Variants in LDB2 observed in about 807,000 individuals in gnomAD.
LDB2 encodes LIM domain-binding protein 2.
Under a neutral mutation model 44.3 loss-of-function variants are expected in LDB2, and 12 were observed. The ratio of observed to expected loss-of-function variants is 0.27; its 90% CI spans 0.17 to 0.44. The LOEUF is 0.44. LDB2 is among the 20% of genes least tolerant of loss of function. The pLI is 1.00. For missense variants in LDB2, 344 were observed against 473.5 expected (o/e 0.73, Z 2.54); for synonymous variants, 164 against 174.8 (o/e 0.94, Z 0.49).
intron 7 of LDB2, chr4:16,505,849 GGACTGGAAGT>G: frequency 6.5e-7 from 1 of 1,548,688 alleles, no homozygotes; most frequent in Non-Finnish European, 8.7e-7. Context: ...CCTCTGAGGA[GGACTGGAAGT>G]GACTCCTTTC....
Position 16,697,556 on chromosome 4 carries a change from C to T in LDB2, c.235+61602G>A, listed in dbSNP as rs533014516. ...CACCTCTCTGTGTCTCCTTGGCCTTCTCTACTCCACCTTTCCTGGACCCCA... is the reference window on the plus strand; with the variant it reads ...CACCTCTCTGTGTCTCCTTGGCCTTTTCTACTCCACCTTTCCTGGACCCCA... On this transcript the variant is annotated intron_variant, in intron 2 of 7. Coordinates refer to ENST00000304523, the MANE Select transcript of LDB2 (RefSeq NM_001290.5). Among the ~76,000 whole-genome samples, 8 of 152,286 alleles carry T rather than the reference C, an allele frequency of 5.3e-5. No individual in the cohort carries two copies. In the East Asian group the frequency reaches 9.7e-4, roughly 18 times the overall value.
chr4:16,744,141 C>T (rs893475120), intron 2 of LDB2, among the ~76,000 whole-genome samples: 6 of 148,168 alleles, frequency 4.0e-5, no homozygotes, highest in Admixed American at 3.3e-4. Context: ...TAAATAGACT[C>T]ATGTGGTTTG....
intron 1 of LDB2, among the ~76,000 whole-genome samples, chr4:16,805,347 A>G (rs1478551062): frequency 6.6e-6 from 1 of 152,232 alleles, no homozygotes; most frequent in Non-Finnish European, 1.5e-5. Context: ...TATATCAGCA[A>G]GTGTTTATCT....
At chr4:16,550,436 G>A (rs1163528653) in intron 5 of LDB2, among the ~76,000 whole-genome samples, 1 of 152,194 alleles carries the variant, frequency 6.6e-6, no homozygotes, top group Non-Finnish European at 1.5e-5. Context: ...TTAGATAAAT[G>A]AAAGAATGAG....
At chr4:16,779,300 C>G (rs1016589579) in intron 1 of LDB2, among the ~76,000 whole-genome samples, 1 of 152,232 alleles carries the variant, frequency 6.6e-6, no homozygotes, top group African/African-American at 2.4e-5. Flanking sequence ...AAATTGCCCT[C>G]ATTTAAGAAT....
At chr4:16,863,042 C>G (rs1713263653) in intron 1 of LDB2, among the ~76,000 whole-genome samples, 2 of 152,152 alleles carry the variant, frequency 1.3e-5, no homozygotes, top group Non-Finnish European at 2.9e-5. Flanking sequence ...AGGGCACGGG[C>G]TCCAGCCAGC....
intron 6 of LDB2, among the ~76,000 whole-genome samples, chr4:16,509,516 C>T (rs897981377): frequency 1.3e-5 from 2 of 152,020 alleles, no homozygotes; most frequent in African/African-American, 4.8e-5. Flanking sequence ...GAGAAATATT[C>T]TTTATTTATT....
intron 7 of LDB2, chr4:16,505,918 G>C: frequency 6.4e-7 from 1 of 1,551,654 alleles, no homozygotes; most frequent in Non-Finnish European, 8.7e-7. Context: ...GGTCACTGCT[G>C]TTGAATGACA....
chr4:16,773,998 C>CAAAAAA (rs60133554), intron 1 of LDB2, among the ~76,000 whole-genome samples: 11 of 128,360 alleles, frequency 8.6e-5, no homozygotes, highest in African/African-American at 3.3e-4. Flanking sequence ...ACTAAAAATA[C>CAAAAAA]AAAAAAAATA....
At chr4:16,720,208 G>C (rs1244913717) in intron 2 of LDB2, among the ~76,000 whole-genome samples, 2 of 150,664 alleles carry the variant, frequency 1.3e-5, no homozygotes. Context: ...ATGTGATTCA[G>C]TTCCTAATCA....
intron 3 of LDB2, among the ~76,000 whole-genome samples, chr4:16,591,839 A>C (rs748221370): frequency 6.6e-6 from 1 of 152,296 alleles, no homozygotes; most frequent in African/African-American, 2.4e-5. Flanking sequence ...CCTCTTAATC[A>C]ATACAATTAA....
chr4:16,805,904 C>A (rs1375300696), intron 1 of LDB2, among the ~76,000 whole-genome samples: 1 of 152,152 alleles, frequency 6.6e-6, no homozygotes, highest in Non-Finnish European at 1.5e-5. Flanking sequence ...CTCTCAGGCA[C>A]CCTCTCTTCT....
At chr4:16,522,234 C>T (rs1432595165) in intron 5 of LDB2, among the ~76,000 whole-genome samples, 1 of 151,292 alleles carries the variant, frequency 6.6e-6, no homozygotes, top group African/African-American at 2.4e-5. Flanking sequence ...GCACGACCTA[C>T]TTGTTAAAAT....
At chr4:16,672,904 C>G (rs1386000848) in intron 2 of LDB2, among the ~76,000 whole-genome samples, 1 of 141,850 alleles carries the variant, frequency 7.0e-6, no homozygotes, top group East Asian at 2.0e-4. Context: ...CCTTCCCCCT[C>G]TCCTTATCTT....
chr4:16,572,147 C>T (rs1365913746), intron 5 of LDB2, among the ~76,000 whole-genome samples: 1 of 152,220 alleles, frequency 6.6e-6, no homozygotes. Flanking sequence ...AGGCTACTTC[C>T]CTGCCTATGC....
chr4:16,691,827 G>A (rs183763441), intron 2 of LDB2, among the ~76,000 whole-genome samples: 548 of 152,274 alleles, frequency 3.6e-3, no homozygotes, highest in Non-Finnish European at 6.1e-3. Context: ...GTAGGTGTCT[G>A]ACACATACAG....
At chr4:16,741,373 A>C (rs1229815927) in intron 2 of LDB2, 1 of 152,256 alleles carries the variant, frequency 6.6e-6, no homozygotes, top group Non-Finnish European at 1.5e-5. Context: ...GTCCAAGGAC[A>C]TCTCCAGAGA....
rs1462216575 is a variant in LDB2, at chr4:16,559,478, T to C, written c.615+26444A>G. On this transcript the variant is annotated intron_variant, in intron 5 of 7. Coordinates refer to ENST00000304523, the MANE Select transcript of LDB2 (RefSeq NM_001290.5). ...TCAAAAGAGACAAAGAAGGCCATTA[T>C]ATAATGGTAAAGGGATCAATTCAAC... 5.9e-4 allele frequency among the ~76,000 whole-genome samples: 90 copies of C among 152,216 alleles called. No individual in the cohort carries two copies. In the East Asian group the frequency reaches 0.011, roughly 18 times the overall value.
intron 2 of LDB2, among the ~76,000 whole-genome samples, chr4:16,618,768 C>T (rs1728068077): frequency 6.6e-6 from 1 of 152,100 alleles, no homozygotes; most frequent in African/African-American, 2.4e-5. Context: ...GTGTCCCCAC[C>T]CAAATCTCAT....
Sources: allele counts gnomAD v4.1 joint callset (sites outside exome capture counted in the v4.1 genomes callset), GRCh38; gene constraint gnomAD v4.1.1; transcripts MANE v1.5; gene names NCBI Gene and HGNC (gene_info 2026-07-23, HGNC 2026-07-21).